MYO10: variants seen among roughly 807,000 people sequenced by gnomAD.
MYO10 encodes unconventional myosin-X.
Under a neutral mutation model 257.3 loss-of-function variants are expected in MYO10, and 133 were observed. That is an observed-to-expected ratio of 0.52 (90% CI 0.45 to 0.60). The LOEUF (loss-of-function observed/expected upper bound fraction) is 0.60, where lower values mean the gene tolerates loss of function less well. Ranked by LOEUF, MYO10 falls within the 20% of genes least tolerant of loss-of-function variation. MYO10 has a pLI of 0.00. For synonymous variants in MYO10, 1,104 were observed against 1,028.6 expected, an observed-to-expected ratio of 1.07 and a Z score of -1.40; for missense variants, 2,399 against 2,635.7, an observed-to-expected ratio of 0.91 and a Z score of 1.97.
chr5:16,712,868 T>C (rs1323007369), intron 19 of MYO10, among the ~76,000 whole-genome samples: 1 of 152,190 alleles, frequency 6.6e-6, no homozygotes, highest in Non-Finnish European at 1.5e-5. Flanking sequence ...TAAATTATCC[T>C]CAGAAAAGTA....
rs542763803 is a variant in MYO10 at position 16,762,534 on chromosome 5, T to C, written c.1587+11A>G. Reference sequence around the variant, plus strand: ...CTCCAATGTGATGAAGAATTGCAGGTTTTGACATACCGCATGCTGACTGTG... The same window carrying C: ...CTCCAATGTGATGAAGAATTGCAGGCTTTGACATACCGCATGCTGACTGTG... On this transcript the variant is annotated intron_variant, in intron 15 of 40. Transcript: ENST00000513610. 1.2e-5 allele frequency: 19 copies of C among 1,585,824 alleles called. No homozygotes were observed. In the East Asian group the frequency reaches 4.3e-4, roughly 36 times the overall value.
chr5:16,874,912 G>A (rs777169977), intron 2 of MYO10, among the ~76,000 whole-genome samples: 1 of 152,144 alleles, frequency 6.6e-6, no homozygotes, highest in Non-Finnish European at 1.5e-5. Context: ...AGTTCCACAT[G>A]GCTTGGGAGG....
At chr5:16,785,403 A>G (rs747559688) in intron 4 of MYO10, among the ~76,000 whole-genome samples, 2 of 152,250 alleles carry the variant, frequency 1.3e-5, no homozygotes, top group African/African-American at 2.4e-5. Flanking sequence ...TATTTAAAAC[A>G]TATCTATATT....
chr5:16,933,272 C>G (rs987452493), intron 1 of MYO10, among the ~76,000 whole-genome samples: 2 of 152,182 alleles, frequency 1.3e-5, no homozygotes, highest in African/African-American at 4.8e-5. Flanking sequence ...TCCAGGGATG[C>G]GTTTAACCTC....
intron 4 of MYO10, among the ~76,000 whole-genome samples, chr5:16,791,095 C>T (rs948708188): frequency 3.9e-5 from 6 of 152,066 alleles, no homozygotes; most frequent in African/African-American, 1.4e-4. Flanking sequence ...GCAGAGGAGC[C>T]TATCCAATCG....
At chr5:16,758,300 G>C (rs540699339) in intron 17 of MYO10, 74 bp from the exon 18 acceptor site, 1 of 1,021,048 alleles carries the variant, frequency 9.8e-7, no homozygotes, top group Non-Finnish European at 1.6e-6. Context: ...TGTAATTAAT[G>C]GTGCCCTTTC....
intron 2 of MYO10, among the ~76,000 whole-genome samples, chr5:16,864,220 T>A (rs191008351): frequency 1.3e-5 from 2 of 151,718 alleles, no homozygotes; most frequent in Non-Finnish European, 2.9e-5. Flanking sequence ...TGCCATATGA[T>A]CACAGTCTTA....
At chr5:16,931,888 C>T (rs1561067050) in intron 1 of MYO10, among the ~76,000 whole-genome samples, 1 of 152,150 alleles carries the variant, frequency 6.6e-6, no homozygotes, top group African/African-American at 2.4e-5. Context: ...TTTTCTCTAA[C>T]AAGAAAAGAT....
intron 12 of MYO10, among the ~76,000 whole-genome samples, chr5:16,764,004 C>T (rs1740795804): frequency 1.3e-5 from 2 of 151,890 alleles, no homozygotes; most frequent in Admixed American, 1.3e-4. Context: ...AAAAATTAGC[C>T]GGCTGTGGTG....
In MYO10 at chr5:16,854,060, G is replaced by A. The variant is rs572362307; in HGVS notation, c.120+23549C>T. ...ATCTCGTGAAGCTAAGCAGGGTATT[G>A]GGCCTGGTTAATACTCGGATGGGAA... is the stretch of plus-strand genomic sequence containing the variant. On this transcript the variant is annotated intron_variant, in intron 2 of 40. Coordinates refer to ENST00000513610, the MANE Select transcript of MYO10 (RefSeq NM_012334.3). The A allele has an allele frequency of 5.9e-5, 9 of 152,114 alleles. No homozygotes were observed. In the South Asian group the frequency reaches 1.7e-3, roughly 28 times the overall value. The allele number at this position is 152,114 out of a possible 1,614,324, so 9.4% of individuals were successfully genotyped here. A position where few individuals can be genotyped will look rare whatever the true frequency, so the allele number is the denominator to read the frequency against.
intron 3 of MYO10, among the ~76,000 whole-genome samples, chr5:16,816,836 C>G (rs1233120988): frequency 1.5e-5 from 2 of 130,952 alleles, no homozygotes; most frequent in African/African-American, 5.6e-5. Flanking sequence ...CCTTTTTTTT[C>G]TGAGACAGAG....
At chr5:16,731,871 G>A (rs1739596791) in intron 19 of MYO10, among the ~76,000 whole-genome samples, 1 of 152,148 alleles carries the variant, frequency 6.6e-6, no homozygotes, top group Non-Finnish European at 1.5e-5. Context: ...ATTCACGGCT[G>A]GACACATGAC....
intron 27 of MYO10, among the ~76,000 whole-genome samples, chr5:16,691,843 C>G (rs185709053): frequency 6.6e-6 from 1 of 152,284 alleles, no homozygotes; most frequent in African/African-American, 2.4e-5. Context: ...CGATCACTCT[C>G]TAGGTCTAAT....
At chr5:16,860,891 C>T (rs1489875638) in intron 2 of MYO10, among the ~76,000 whole-genome samples, 1 of 151,624 alleles carries the variant, frequency 6.6e-6, no homozygotes, top group Non-Finnish European at 1.5e-5. Flanking sequence ...AAAACAAAGG[C>T]CTCGTTAGCA....
chr5:16,930,798 A>G (rs938530842), intron 1 of MYO10, among the ~76,000 whole-genome samples: 3 of 152,178 alleles, frequency 2.0e-5, no homozygotes, highest in African/African-American at 7.2e-5. Flanking sequence ...CATCGGAGGG[A>G]GCCAAGCGCT....
chr5:16,885,152 G>C (rs1744862464), intron 1 of MYO10, among the ~76,000 whole-genome samples: 1 of 151,582 alleles, frequency 6.6e-6, no homozygotes, highest in Non-Finnish European at 1.5e-5. Context: ...GGTGGGCAGT[G>C]GTGCTAGAAG....
At chr5:16,815,476 T>C (rs527860036) in intron 3 of MYO10, 2 of 696,770 alleles carry the variant, frequency 2.9e-6, no homozygotes, top group Non-Finnish European at 5.2e-6. Flanking sequence ...ACAAGAGACA[T>C]ACACCAATAA....
rs778095552 is a variant in MYO10, at chr5:16,766,214, C to A, written c.1061-16G>T. 9 of 1,597,998 alleles carry A rather than the reference C, an allele frequency of 5.6e-6. No individual in the cohort carries two copies. The highest frequency in any genetic ancestry group is 7.7e-6 in the Non-Finnish European group (9 of 1,166,932). On this transcript the variant is annotated splice_polypyrimidine_tract_variant and intron_variant, in intron 10 of 40. Transcript: ENST00000513610. ...CTGCCCAAAGCTGCAGAGAATAAGACAAAGGTGAATGAACCCACCGCCCCC... is the reference window on the plus strand; with the variant it reads ...CTGCCCAAAGCTGCAGAGAATAAGAAAAAGGTGAATGAACCCACCGCCCCC...
At chr5:16,916,261 C>T (rs921463206) in intron 1 of MYO10, 27 of 393,158 alleles carry the variant, frequency 6.9e-5, no homozygotes, top group Admixed American at 2.8e-4. Context: ...GGTGCAGACT[C>T]GTGTTCTAAC....
Sources: gnomAD v4.1 joint callset for allele counts (sites outside exome capture counted in the v4.1 genomes callset) on GRCh38, gnomAD v4.1.1 for gene constraint, MANE v1.5 for transcripts, NCBI Gene and HGNC (gene_info 2026-07-23, HGNC 2026-07-21) for gene names.